The following MOV10L1 variants were observed in gnomAD, a reference collection of about 807,000 sequenced individuals.
MOV10L1 encodes the protein RNA helicase Mov10l1.
In MOV10L1, 110 loss-of-function variants were observed where a neutral mutation model predicts 143.8. That is an observed-to-expected ratio of 0.76 (90% CI 0.66 to 0.90). The LOEUF (loss-of-function observed/expected upper bound fraction) is 0.90, where lower values mean the gene tolerates loss of function less well. Among genes scored for constraint, MOV10L1 ranks in the 40% least tolerant of loss-of-function variants. MOV10L1 has a pLI of 0.00. For missense variants in MOV10L1, 1,406 were observed against 1,526.8 expected (o/e 0.92, Z 1.32); for synonymous variants, 593 against 581.1 (o/e 1.02, Z -0.29).
chr22:50,151,844 G>T (rs763724332), intron 21 of MOV10L1, among the ~76,000 whole-genome samples: 11 of 152,230 alleles, frequency 7.2e-5, no homozygotes, highest in Non-Finnish European at 1.5e-4. Flanking sequence ...CACAGGTACA[G>T]AAAGACCCTG....
rs1156647115 is a variant in MOV10L1 at position 50,145,767 on chromosome 22, A to G, written c.2584A>G (p.Thr862Ala). 1.2e-6 allele frequency: 2 copies of G among 1,614,042 alleles called. No homozygotes were observed. Among genetic ancestry groups the G allele is most frequent in the Non-Finnish European group, 1.7e-6 (2 of 1,180,034 alleles). ...WKASRFRIII[T>A]TCSSSGLFYQ... ...AGCCTCACGCTTCCGGATAATCATC[A>G]CCACATGCAGCAGCTCAGGGCTGTT... The change falls in exon 19 of 27, where the codon ACC becomes GCC. Residue 862 changes from threonine to alanine, a missense_variant. Around this residue, in one of 3 missense-constraint regions of MOV10L1, gnomAD observed 1,233 missense variants for 1,351.4 expected, o/e 0.91. Coordinates refer to ENST00000262794, the MANE Select transcript of MOV10L1 (RefSeq NM_018995.3).
Position 50,134,603 on chromosome 22 carries a change from A to G in MOV10L1, c.2043A>G (p.Lys681=). Residue 681 remains lysine (K), a synonymous_variant, in exon 15 of 27, where the codon AAA becomes AAG. Transcript: ENST00000262794. ...ATTGGAACCATGCACAAGACACCAAAAGCAGTGGACAGTCCACCAGCAAAA... is the reference window on the plus strand; with the variant it reads ...ATTGGAACCATGCACAAGACACCAAGAGCAGTGGACAGTCCACCAGCAAAA... The part of the protein sequence containing the change: ...TGNWNHAQDT[K]SSGQSTSKKN... 6.2e-7 allele frequency: 1 copy of G among 1,614,210 alleles called. No individual in the cohort carries two copies. Among genetic ancestry groups the G allele is most frequent in the Non-Finnish European group, 8.5e-7 (1 of 1,180,016 alleles).
Position 50,158,014 on chromosome 22 carries a change from A to C in MOV10L1, c.3067-43A>C. On this transcript the variant is annotated intron_variant, in intron 22 of 26. Coordinates refer to ENST00000262794, the MANE Select transcript of MOV10L1 (RefSeq NM_018995.3). The surrounding 1 kb of genome is among the most constrained non-coding windows in gnomAD (Gnocchi z 5.0). Reference sequence around the variant, plus strand: ...CTCCTGGATTGTAGCCTTCTGGTGAATATTCATGAAGTAAAGTAGGTTTTC... The same window carrying C: ...CTCCTGGATTGTAGCCTTCTGGTGACTATTCATGAAGTAAAGTAGGTTTTC... 6.3e-7 allele frequency: 1 copy of C among 1,584,664 alleles called. No individual in the cohort carries two copies. The highest frequency in any genetic ancestry group is 8.6e-7 in the Non-Finnish European group (1 of 1,162,812).
chr22:50,126,559 A>G (rs2062512125), intron 12 of MOV10L1, among the ~76,000 whole-genome samples: 1 of 152,224 alleles, frequency 6.6e-6, no homozygotes, highest in Non-Finnish European at 1.5e-5. Flanking sequence ...AAGAGCTCGC[A>G]GAGTGGAGGC....
In MOV10L1 at chr22:50,141,839, C is replaced by G. The variant is rs80027789; in HGVS notation, c.2071-242C>G. On this transcript the variant is annotated intron_variant, in intron 15 of 26. Coordinates refer to ENST00000262794, the MANE Select transcript of MOV10L1 (RefSeq NM_018995.3). Reference sequence around the variant, plus strand: ...ATTTAGTCCTGTGCTTTGGTTTCATCACAAATTTTAGTTTATTTCTAAAAG... The same window carrying G: ...ATTTAGTCCTGTGCTTTGGTTTCATGACAAATTTTAGTTTATTTCTAAAAG... 9.0e-3 allele frequency among the ~76,000 whole-genome samples: 1,363 copies of G among 152,244 alleles called. 24 individuals carry two copies. Among genetic ancestry groups the G allele is most frequent in the African/African-American group, 0.032 (1,323 of 41,534 alleles).
chr22:50,128,218 C>G (rs927900734), intron 12 of MOV10L1, among the ~76,000 whole-genome samples, 198 bp from the exon 13 acceptor site: 3 of 152,306 alleles, frequency 2.0e-5, no homozygotes, highest in Middle Eastern at 6.8e-3. Flanking sequence ...AATAGAAGTT[C>G]AGTAAGTATG....
At chr22:50,125,369 T>C (rs757768732) in intron 10 of MOV10L1, 23 bp from the exon 11 acceptor site, 2 of 1,611,706 alleles carry the variant, frequency 1.2e-6, no homozygotes, top group African/African-American at 1.3e-5. Flanking sequence ...TTGCTGACTT[T>C]ATAACATTTG....
At chr22:50,110,953 G>C (rs1054059904) in intron 5 of MOV10L1, among the ~76,000 whole-genome samples, 1 of 151,928 alleles carries the variant, frequency 6.6e-6, no homozygotes, top group East Asian at 1.9e-4. Flanking sequence ...AAAATTATTA[G>C]ATTTCCTGTA....
intron 3 of MOV10L1, among the ~76,000 whole-genome samples, chr22:50,101,600 C>G (rs548458909): frequency 2.0e-5 from 3 of 151,294 alleles, no homozygotes; most frequent in African/African-American, 7.3e-5. Flanking sequence ...TAACCTCCAC[C>G]TCCTGGATTC....
At chr22:50,142,266 C>A in intron 16 of MOV10L1, 77 bp downstream of exon 16, 1 of 1,198,848 alleles carries the variant, frequency 8.3e-7, no homozygotes, top group Non-Finnish European at 1.2e-6. Context: ...GAGGAGTGGG[C>A]TCTCATGCAG....
chr22:50,121,722 G>A (rs1291873409), intron 10 of MOV10L1, among the ~76,000 whole-genome samples: 1 of 152,180 alleles, frequency 6.6e-6, no homozygotes, highest in African/African-American at 2.4e-5. Context: ...GGATGGAGAG[G>A]TGCTCCTCAG....
At chr22:50,107,098 G>A (rs1046870887) in intron 3 of MOV10L1, among the ~76,000 whole-genome samples, 1 of 149,966 alleles carries the variant, frequency 6.7e-6, no homozygotes, top group Admixed American at 6.6e-5. Flanking sequence ...TTTTTGAGAC[G>A]GTGTCTCGCT....
intron 10 of MOV10L1, among the ~76,000 whole-genome samples, chr22:50,123,008 C>G (rs2062394213): frequency 6.6e-6 from 1 of 151,524 alleles, no homozygotes; most frequent in Non-Finnish European, 1.5e-5. Context: ...TGATTTTCTT[C>G]TCTTCCTAGT....
chr22:50,149,560 A>C, intron 19 of MOV10L1, 55 bp from the exon 20 acceptor site: 3 of 1,565,680 alleles, frequency 1.9e-6, no homozygotes, highest in Non-Finnish European at 1.7e-6. Flanking sequence ...TGTCAGAGGC[A>C]TCAATTGCTA....
At chr22:50,149,473 A>ACCCAGACC in intron 19 of MOV10L1, 142 bp from the exon 20 acceptor site, 1 of 695,842 alleles carries the variant, frequency 1.4e-6, no homozygotes, top group Non-Finnish European at 2.4e-6. Context: ...GCCGGGTGAC[A>ACCCAGACC]CCCAGACCCC....
At position 50,115,216 on chromosome 22, in the gene MOV10L1, A is replaced by G. The variant is rs199722978; in HGVS notation, c.1229A>G (p.Lys410Arg). The G allele has an allele frequency of 1.9e-4, 288 of 1,541,758 alleles. No individual in the cohort carries two copies. Among genetic ancestry groups the G allele is most frequent in the Non-Finnish European group, 2.4e-4 (276 of 1,154,852 alleles). Residue 410 changes from lysine (K) to arginine (R), a missense_variant, in exon 8 of 27, where the codon AAA becomes AGA. Lys to Arg is a conservative substitution (Grantham distance 26). Transcript: ENST00000262794. ...GGGGGGCTTGTCCCTCCAGGGGGAA[A>G]AACCTTCATTGTGGTCATCTGTGAC... ...EPGGLVPPGG[K>R]TFIVVICDGK...
intron 19 of MOV10L1, among the ~76,000 whole-genome samples, chr22:50,146,269 A>T (rs2063150279): frequency 6.6e-6 from 1 of 151,922 alleles, no homozygotes; most frequent in East Asian, 1.9e-4. Context: ...GCTGCCTAGG[A>T]AACGGCTGGG....
intron 1 of MOV10L1, 124 bp from the exon 2 acceptor site, chr22:50,091,877 C>T (rs1225141719): frequency 5.9e-6 from 5 of 848,934 alleles, no homozygotes; most frequent in Admixed American, 5.2e-5. Flanking sequence ...TCAGCCCGTT[C>T]GGAGTCAGTG....
chr22:50,152,942 A>G lies in MOV10L1; in HGVS notation c.2893-103A>G. ...GCGCAGGAGCAGAGTCAGGCTTGGA[A>G]GTCAGGCAGGCCTCACGTTTGCTGT... On this transcript the variant is annotated intron_variant, in intron 21 of 26. Coordinates refer to ENST00000262794, the MANE Select transcript of MOV10L1 (RefSeq NM_018995.3). This position sits in a 1 kb window ranked among gnomAD's most constrained non-coding sequence, Gnocchi z 4.4. The G allele has an allele frequency of 1.6e-6, 2 of 1,212,700 alleles. No homozygotes were observed. Among genetic ancestry groups the G allele is most frequent in the Non-Finnish European group, 2.3e-6 (2 of 861,646 alleles). The allele number at this position is 1,212,700 out of a possible 1,614,324, so 75.1% of individuals were successfully genotyped here. A position where few individuals can be genotyped will look rare whatever the true frequency, so the allele number is the denominator to read the frequency against.
Sources: allele counts gnomAD v4.1 joint callset (sites outside exome capture counted in the v4.1 genomes callset), GRCh38; gene constraint gnomAD v4.1.1; regional missense constraint gnomAD v4.1.1; non-coding constraint Gnocchi (gnomAD v3.1); transcripts MANE v1.5; gene names NCBI Gene and HGNC (gene_info 2026-07-23, HGNC 2026-07-21).